Variants in MYO9A observed in about 807,000 individuals in gnomAD.
MYO9A encodes the protein myosin IXA.
In MYO9A, 103 loss-of-function variants were observed where a neutral mutation model predicts 293.3. The observed-to-expected ratio is 0.35, with a 90% CI of 0.30 to 0.41. The LOEUF (loss-of-function observed/expected upper bound fraction) is 0.41, where lower values mean the gene tolerates loss of function less well. MYO9A is among the 10% of genes least tolerant of loss of function. MYO9A has a pLI of 1.00. For synonymous variants in MYO9A, 1,001 were observed against 1,035.7 expected (o/e 0.97, Z 0.64); for missense variants, 2,685 against 3,033.0 (o/e 0.89, Z 2.69).
At chr15:71,842,613 A>G (rs2055206030) in intron 39 of MYO9A, among the ~76,000 whole-genome samples, 2 of 151,940 alleles carry the variant, frequency 1.3e-5, no homozygotes, top group African/African-American at 4.8e-5. Context: ...TAATCCCAGC[A>G]TTTTGGGAGG....
chr15:72,117,414 TGG>T (rs918096556), intron 1 of MYO9A, among the ~76,000 whole-genome samples: 5 of 149,500 alleles, frequency 3.3e-5, no homozygotes, highest in African/African-American at 5.0e-5. Context: ...GGGGTACTAA[TGG>T]GGTCTGCTGG....
intron 2 of MYO9A, among the ~76,000 whole-genome samples, chr15:72,037,660 T>G (rs1380489321): frequency 4.6e-5 from 7 of 151,970 alleles, no homozygotes; most frequent in Non-Finnish European, 1.0e-4. Flanking sequence ...AATATAGACT[T>G]TACAAAATTA....
chr15:71,939,798 T>C (rs1019388210), intron 15 of MYO9A, among the ~76,000 whole-genome samples: 1 of 152,190 alleles, frequency 6.6e-6, no homozygotes, highest in African/African-American at 2.4e-5. Flanking sequence ...ATGTAATATA[T>C]GTAAGATACA....
chr15:71,839,686 A>G (rs1410941600), intron 39 of MYO9A, among the ~76,000 whole-genome samples: 1 of 152,172 alleles, frequency 6.6e-6, no homozygotes, highest in Admixed American at 6.5e-5. Flanking sequence ...CTGGGATTAT[A>G]GGCATGAACT....
intron 21 of MYO9A, 114 bp from the exon 22 acceptor site, chr15:71,903,177 A>G: frequency 1.2e-6 from 1 of 861,438 alleles, no homozygotes. Flanking sequence ...GGGTGAAACC[A>G]AGACGTGCAT....
chr15:71,989,995 C>T (rs1044461731), intron 11 of MYO9A, among the ~76,000 whole-genome samples: 5 of 152,072 alleles, frequency 3.3e-5, no homozygotes, highest in Non-Finnish European at 5.9e-5. Context: ...CACTGTACTT[C>T]AGCTTGGGCG....
chr15:71,881,445 C>A (rs2056870509), intron 28 of MYO9A, among the ~76,000 whole-genome samples: 1 of 151,954 alleles, frequency 6.6e-6, no homozygotes, highest in South Asian at 2.1e-4. Context: ...CCACCTCAGG[C>A]AGGAATTGAG....
At chr15:71,868,865 A>G (rs2056420783) in intron 32 of MYO9A, among the ~76,000 whole-genome samples, 1 of 152,196 alleles carries the variant, frequency 6.6e-6, no homozygotes, top group Admixed American at 6.5e-5. Context: ...TATATCTATT[A>G]GAAAAAACAC....
chr15:71,915,101 T>G (rs1311527656), intron 19 of MYO9A, among the ~76,000 whole-genome samples: 1 of 152,216 alleles, frequency 6.6e-6, no homozygotes, highest in African/African-American at 2.4e-5. Context: ...TTGTATTAAG[T>G]CTGCTTATGA....
chr15:71,916,287 G>C, intron 19 of MYO9A, 83 bp downstream of exon 19: 3 of 1,454,752 alleles, frequency 2.1e-6, no homozygotes, highest in Non-Finnish European at 2.8e-6. Context: ...TCCCATTCAA[G>C]TACCCTGCAG....
intron 6 of MYO9A, among the ~76,000 whole-genome samples, chr15:72,014,426 C>T (rs1386728474): frequency 2.6e-5 from 4 of 152,172 alleles, no homozygotes; most frequent in Non-Finnish European, 5.9e-5. Context: ...TGGCTCATGC[C>T]TATAATCCCA....
At chr15:71,925,680 C>CA (rs2058292823) in intron 18 of MYO9A, among the ~76,000 whole-genome samples, 1 of 152,140 alleles carries the variant, frequency 6.6e-6, no homozygotes, top group African/African-American at 2.4e-5. Flanking sequence ...CCCATCCCCC[C>CA]ACAATTTATA....
intron 2 of MYO9A, among the ~76,000 whole-genome samples, chr15:72,033,380 A>G (rs971209584): frequency 1.3e-5 from 2 of 152,224 alleles, no homozygotes; most frequent in African/African-American, 4.8e-5. Flanking sequence ...ATACTTTATT[A>G]TGCCTATTTA....
chr15:72,006,488 G>A (rs979329118), intron 8 of MYO9A, among the ~76,000 whole-genome samples: 3 of 152,046 alleles, frequency 2.0e-5, no homozygotes, highest in Non-Finnish European at 2.9e-5. Context: ...TCCTGGAAAG[G>A]GCAAATCTAT....
intron 23 of MYO9A, 70 bp from the exon 24 acceptor site, chr15:71,900,076 G>A (rs1185077809): frequency 2.2e-6 from 3 of 1,384,330 alleles, no homozygotes; most frequent in Non-Finnish European, 2.9e-6. Context: ...GAAAAAAAGA[G>A]AATAAATTTC....
chr15:71,907,082 A>AT (rs2057682172), intron 19 of MYO9A, among the ~76,000 whole-genome samples: 1 of 137,230 alleles, frequency 7.3e-6, no homozygotes, highest in Non-Finnish European at 1.6e-5. Flanking sequence ...TCCCAATGCT[A>AT]TCCCTCCCCC....
chr15:71,938,919 G>A lies in MYO9A; in HGVS notation c.2311C>T (p.Arg771Trp), dbSNP rs145755030. 3.3e-5 allele frequency: 53 copies of A among 1,605,734 alleles called. No homozygotes were observed. The highest frequency in any genetic ancestry group is 6.8e-5 in the Admixed American group (4 of 58,788). Residue 771 changes from arginine (R) to tryptophan (W), a missense_variant, in exon 16 of 42, where the codon CGG becomes TGG. Arg to Trp is a moderately radical substitution (Grantham distance 101, BLOSUM62 -3). Around this residue, in one of 10 missense-constraint regions of MYO9A, gnomAD observed 1,434 missense variants for 1,497.7 expected, o/e 0.96. Coordinates refer to ENST00000356056, the MANE Select transcript of MYO9A (RefSeq NM_006901.4). ...GAAAGAGGTGTTCTGGGATTTTTCCGGGTTATACCTAGCAAAATTTAAAAA... is the reference window on the plus strand; with the variant it reads ...GAAAGAGGTGTTCTGGGATTTTTCCAGGTTATACCTAGCAAAATTTAAAAA... Reference protein sequence around the residue: ...RCKEEKYSITRKNPRTPLSDL... With the variant: ...RCKEEKYSITWKNPRTPLSDL...
chr15:71,951,329 T>C (rs1430324174), intron 15 of MYO9A, among the ~76,000 whole-genome samples: 1 of 152,216 alleles, frequency 6.6e-6, no homozygotes, highest in Admixed American at 6.5e-5. Context: ...ATTCATTATC[T>C]TGACTCTGGA....
chr15:71,898,027 C>T lies in MYO9A; in HGVS notation c.4476G>A (p.Lys1492=). ...GCCTTTCTTCCTTCTCAGTGTTTAGCTTTTCTAACTTCTTAAGCACAGGAT... is the reference window on the plus strand; with the variant it reads ...GCCTTTCTTCCTTCTCAGTGTTTAGTTTTTCTAACTTCTTAAGCACAGGAT... ...SSNPVLKKLE[K]LNTEKEERQK... Residue 1492 remains lysine, a synonymous_variant, in exon 25 of 42, where the codon AAG becomes AAA. Coordinates refer to ENST00000356056, the MANE Select transcript of MYO9A (RefSeq NM_006901.4). 6.2e-7 allele frequency: 1 copy of T among 1,614,094 alleles called. No individual in the cohort carries two copies. Among genetic ancestry groups the T allele is most frequent in the Non-Finnish European group, 8.5e-7 (1 of 1,180,018 alleles).
Sources: allele counts gnomAD v4.1 joint callset (sites outside exome capture counted in the v4.1 genomes callset), GRCh38; gene constraint gnomAD v4.1.1; regional missense constraint gnomAD v4.1.1; transcripts MANE v1.5; gene names NCBI Gene and HGNC (gene_info 2026-07-23, HGNC 2026-07-21).